Variants in DENND4C observed in about 807,000 individuals in gnomAD.
DENND4C encodes the protein DENN domain-containing protein 4C.
In DENND4C, 108 loss-of-function variants were observed where a neutral mutation model predicts 203.0. That is an observed-to-expected ratio of 0.53 (90% CI 0.46 to 0.62). The LOEUF (loss-of-function observed/expected upper bound fraction) is 0.62, where lower values mean the gene tolerates loss of function less well. Among genes scored for constraint, DENND4C ranks in the 20% least tolerant of loss-of-function variants. DENND4C has a pLI of 0.00. For missense variants in DENND4C, 2,481 were observed against 2,301.2 expected, an observed-to-expected ratio of 1.08 and a Z score of -1.60; for synonymous variants, 871 against 792.4, an observed-to-expected ratio of 1.10 and a Z score of -1.67.
chr9:19,235,264 C>T (rs538734431), intron 1 of DENND4C, among the ~76,000 whole-genome samples: 4 of 152,194 alleles, frequency 2.6e-5, no homozygotes, highest in East Asian at 1.9e-4. Context: ...CACGCCTAGC[C>T]GAAAGTCGAC....
At chr9:19,271,324 C>T (rs1215225184) in intron 1 of DENND4C, among the ~76,000 whole-genome samples, 7 of 151,656 alleles carry the variant, frequency 4.6e-5, no homozygotes, top group East Asian at 1.9e-4. Flanking sequence ...CTCAGCGTCC[C>T]GAGTAGCTGG....
chr9:19,355,977 G>A (rs922283706), intron 26 of DENND4C, among the ~76,000 whole-genome samples: 5 of 151,676 alleles, frequency 3.3e-5, no homozygotes, highest in East Asian at 1.9e-4. Context: ...TTAAGCTATC[G>A]TGACAAGCAT....
chr9:19,290,445 T>C (rs1836063738), intron 4 of DENND4C, among the ~76,000 whole-genome samples: 1 of 152,228 alleles, frequency 6.6e-6, no homozygotes, highest in Non-Finnish European at 1.5e-5. Flanking sequence ...TTAAGATTGG[T>C]GATCAAGATT....
At chr9:19,263,897 TG>T (rs1324668746) in intron 1 of DENND4C, among the ~76,000 whole-genome samples, 1 of 152,014 alleles carries the variant, frequency 6.6e-6, no homozygotes, top group African/African-American at 2.4e-5. Context: ...TGACCTCAGG[TG>T]ATCTGCCCGC....
At chr9:19,243,311 A>T (rs1475961911) in intron 1 of DENND4C, among the ~76,000 whole-genome samples, 2 of 152,196 alleles carry the variant, frequency 1.3e-5, no homozygotes, top group Non-Finnish European at 2.9e-5. Context: ...CCTATGTTGT[A>T]GTATGTATCA....
At chr9:19,319,365 CATAT>C (rs1306129672) in intron 12 of DENND4C, among the ~76,000 whole-genome samples, 3 of 111,920 alleles carry the variant, frequency 2.7e-5, no homozygotes, top group South Asian at 2.6e-4. Context: ...TATATACACA[CATAT>C]ATATACACAT....
intron 26 of DENND4C, among the ~76,000 whole-genome samples, chr9:19,355,544 C>G (rs963472817): frequency 9.2e-5 from 14 of 152,186 alleles, no homozygotes; most frequent in African/African-American, 2.9e-4. Flanking sequence ...AATAACCTAT[C>G]CTTTGCTTAC....
intron 1 of DENND4C, among the ~76,000 whole-genome samples, chr9:19,253,905 C>G (rs1477182012): frequency 6.6e-6 from 1 of 152,086 alleles, no homozygotes. Context: ...CTTAGGGAGG[C>G]TGAGGCAGGT....
rs754779266 is a variant in DENND4C at position 19,360,266 on chromosome 9, A to G, written c.5183A>G (p.Asn1728Ser). 24 of 1,613,152 alleles carry G rather than the reference A, an allele frequency of 1.5e-5. No homozygotes were observed. The highest frequency in any genetic ancestry group is 1.6e-4 in the Middle Eastern group (1 of 6,078). ...EVVDPLGKRP[N>S]PPPVSVPYLS... ...AAGGATCCTTTAGGAAAAAGACCCA[A>G]TCCTCCCCCTGTTTCTGTGCCCTAC... The change falls in exon 29 of 33, where the codon AAT (asparagine) becomes AGT (serine). Residue 1728 changes from asparagine to serine, a missense_variant. This residue lies in a region of DENND4C where 2,289 missense variants were observed against 2,113.3 expected (regional missense o/e 1.08). Transcript: ENST00000434457.
chr9:19,332,517 AT>A (rs11310338), intron 17 of DENND4C, among the ~76,000 whole-genome samples: 31,527 of 130,158 alleles, frequency 0.24, 3,407 homozygotes, highest in Middle Eastern at 0.37. Context: ...TACCTGGCTA[AT>A]TTTTTTTTTT....
chr9:19,237,668 A>G (rs1487654010), intron 1 of DENND4C, among the ~76,000 whole-genome samples: 2 of 152,108 alleles, frequency 1.3e-5, no homozygotes, highest in African/African-American at 2.4e-5. Context: ...GATTTTCTTT[A>G]TACACAATCA....
chr9:19,332,418 G>C (rs1819424784), intron 17 of DENND4C, among the ~76,000 whole-genome samples: 1 of 151,778 alleles, frequency 6.6e-6, no homozygotes, highest in South Asian at 2.1e-4. Flanking sequence ...GTTCAGCAGT[G>C]CGTCCTTGGC....
intron 29 of DENND4C, 137 bp from the exon 30 acceptor site, chr9:19,361,709 A>G: frequency 2.0e-6 from 1 of 512,724 alleles, no homozygotes; most frequent in Non-Finnish European, 3.5e-6. Flanking sequence ...AGACATTAAT[A>G]AAAATTAAAA....
chr9:19,367,861 A>ATC (rs1828012450), intron 30 of DENND4C, among the ~76,000 whole-genome samples: 1 of 152,248 alleles, frequency 6.6e-6, no homozygotes, highest in Non-Finnish European at 1.5e-5. Flanking sequence ...TTGAATCTTG[A>ATC]AACCACTCTA....
chr9:19,232,961 T>C (rs2131315661), intron 1 of DENND4C, among the ~76,000 whole-genome samples: 1 of 152,224 alleles, frequency 6.6e-6, no homozygotes, highest in South Asian at 2.1e-4. Context: ...ATACTGGTTT[T>C]GCATTGGCTT....
intron 3 of DENND4C, among the ~76,000 whole-genome samples, chr9:19,287,767 C>G (rs1210620764): frequency 6.7e-6 from 1 of 149,906 alleles, no homozygotes; most frequent in Non-Finnish European, 1.5e-5. Context: ...GAGTCTCGCT[C>G]TGTCGCCCAG....
intron 22 of DENND4C, among the ~76,000 whole-genome samples, chr9:19,344,609 C>G (rs556931201): frequency 5.1e-4 from 78 of 152,308 alleles, no homozygotes; most frequent in Non-Finnish European, 9.8e-4. Flanking sequence ...ATTGAGGATT[C>G]TCCCGCCTCA....
chr9:19,241,622 C>T (rs1052526702), intron 1 of DENND4C, among the ~76,000 whole-genome samples: 4 of 151,840 alleles, frequency 2.6e-5, no homozygotes, highest in Non-Finnish European at 4.4e-5. Context: ...TGTCTTCTAC[C>T]TTCACGTCTT....
chr9:19,254,394 A>G (rs1827413259), intron 1 of DENND4C, among the ~76,000 whole-genome samples: 1 of 152,234 alleles, frequency 6.6e-6, no homozygotes, highest in Admixed American at 6.5e-5. Flanking sequence ...ACACAGCAGA[A>G]TACTATTTAG....
Sources: allele counts gnomAD v4.1 joint callset (sites outside exome capture counted in the v4.1 genomes callset), GRCh38; gene constraint gnomAD v4.1.1; regional missense constraint gnomAD v4.1.1; transcripts MANE v1.5; gene names NCBI Gene and HGNC (gene_info 2026-07-23, HGNC 2026-07-21).